SLIT1: variants seen among roughly 807,000 people sequenced by gnomAD.
SLIT1 encodes the protein slit guidance ligand 1, also known as slit homolog 1 protein.
A neutral mutation model predicts 186.1 loss-of-function variants in SLIT1; 66 were observed. The ratio of observed to expected loss-of-function variants is 0.35; its 90% CI spans 0.29 to 0.44. The LOEUF is 0.44. Among genes scored for constraint, SLIT1 ranks in the 20% least tolerant of loss-of-function variants. The probability of loss-of-function intolerance (pLI) is 1.00; values close to 1 mark genes in which losing one functional copy is unlikely to be tolerated. For synonymous variants in SLIT1, 761 were observed against 833.8 expected (o/e 0.91, Z 1.50); for missense variants, 1,638 against 2,037.4 (o/e 0.80, Z 3.77).
rs554811287 is a variant in SLIT1, at chr10:97,115,289, T to G, written c.413+42529A>C. ...TGAGGCTCAACATCCACTCCCAGCC[T>G]GCTATTCCTTGGAATTGCCCTGAGA... On this transcript the variant is annotated intron_variant, in intron 4 of 36. Coordinates refer to ENST00000266058, the MANE Select transcript of SLIT1 (RefSeq NM_003061.3). Among the ~76,000 whole-genome samples the G allele has an allele frequency of 2.0e-5, 3 of 152,298 alleles. No individual in the cohort carries two copies. The East Asian group carries it at 5.8e-4, about 29-fold the overall frequency.
At chr10:97,148,477 C>CAGGGTCTTG (rs59128793) in intron 4 of SLIT1, among the ~76,000 whole-genome samples, 3 of 151,406 alleles carry the variant, frequency 2.0e-5, no homozygotes, top group African/African-American at 4.9e-5. Context: ...TTTTGTAGAG[C>CAGGGTCTTG]CTATGCTGCC....
At chr10:97,102,716 T>G (rs1564676486) in intron 4 of SLIT1, 1 of 152,234 alleles carries the variant, frequency 6.6e-6, no homozygotes, top group Non-Finnish European at 1.5e-5. Flanking sequence ...TTGTGTGATG[T>G]CACAGTGCAG....
rs751115270 is a variant in SLIT1, at chr10:97,047,962, C to A, written c.1489+11G>T. 2 of 1,614,036 alleles carry A rather than the reference C, an allele frequency of 1.2e-6. No homozygotes were observed. Among genetic ancestry groups the A allele is most frequent in the East Asian group, 4.5e-5 (2 of 44,898 alleles). On this transcript the variant is annotated intron_variant, in intron 15 of 36. Coordinates refer to ENST00000266058, the MANE Select transcript of SLIT1 (RefSeq NM_003061.3). ...CCGCCAGGCTGGCCTTGGATCCCCC[C>A]ACTCTCCTACCTGGAATGAAGTACT...
intron 1 of SLIT1, among the ~76,000 whole-genome samples, chr10:97,179,865 G>A (rs1301503591): frequency 6.6e-6 from 1 of 150,688 alleles, no homozygotes; most frequent in Non-Finnish European, 1.5e-5. Flanking sequence ...ATCTGCTCTG[G>A]GTAATAAGTA....
chr10:97,163,434 T>A lies in SLIT1; in HGVS notation c.287A>T (p.Gln96Leu). The A allele has an allele frequency of 6.2e-7, 1 of 1,614,174 alleles. No individual in the cohort carries two copies. Among genetic ancestry groups the A allele is most frequent in the Middle Eastern group, 1.7e-4 (1 of 6,060 alleles). Residue 96 changes from glutamine to leucine, a missense_variant, in exon 3 of 37, where the codon CAG becomes CTG. This residue lies in a region of SLIT1 where 1,245 missense variants were observed against 1,535.3 expected (regional missense o/e 0.81). Coordinates refer to ENST00000266058, the MANE Select transcript of SLIT1 (RefSeq NM_003061.3). Reference protein sequence around the residue: ...QLRVLQLMENQIGAVERGAFD... With the variant: ...QLRVLQLMENLIGAVERGAFD... ...AGCACCACGTTCCACTGCTCCAATC[T>A]GGTTCTCCATCAGCTGCCTGGGGAA...
At chr10:97,134,249 G>A (rs927939941) in intron 4 of SLIT1, among the ~76,000 whole-genome samples, 3 of 152,152 alleles carry the variant, frequency 2.0e-5, no homozygotes, top group African/African-American at 7.2e-5. Context: ...TGTCCCCACA[G>A]TCACAGCCAC....
intron 26 of SLIT1, among the ~76,000 whole-genome samples, chr10:97,020,111 C>G (rs890448337): frequency 2.0e-5 from 3 of 151,964 alleles, no homozygotes; most frequent in African/African-American, 7.3e-5. Context: ...GCTGGGACTA[C>G]AGGCACACAC....
chr10:97,118,047 C>T (rs776808484), intron 4 of SLIT1, among the ~76,000 whole-genome samples: 4 of 152,044 alleles, frequency 2.6e-5, no homozygotes, highest in Non-Finnish European at 4.4e-5. Context: ...ATGGCTATTC[C>T]AAATCTTTGC....
intron 31 of SLIT1, among the ~76,000 whole-genome samples, chr10:97,008,848 C>A (rs933485066): frequency 6.6e-6 from 1 of 151,474 alleles, no homozygotes. Context: ...CCAAAACAAT[C>A]TTTTTTTATT....
Position 97,043,078 on chromosome 10 carries a change from C to A in SLIT1, c.1998-11G>T, listed in dbSNP as rs939818793. The A allele has an allele frequency of 1.9e-6, 3 of 1,612,200 alleles. No homozygotes were observed. Among genetic ancestry groups the A allele is most frequent in the Non-Finnish European group, 2.5e-6 (3 of 1,179,052 alleles). ...TTGGCCAGGAGATTCCTGGAAGAGG[C>A]AGGCCAGGCGGCCATGGAGACACTC... On this transcript the variant is annotated splice_polypyrimidine_tract_variant and intron_variant, in intron 19 of 36. Coordinates refer to ENST00000266058, the MANE Select transcript of SLIT1 (RefSeq NM_003061.3). This position sits in a 1 kb window ranked among gnomAD's most constrained non-coding sequence, Gnocchi z 7.0.
At chr10:97,140,008 C>T (rs1267551067) in intron 4 of SLIT1, among the ~76,000 whole-genome samples, 2 of 152,132 alleles carry the variant, frequency 1.3e-5, no homozygotes, top group Non-Finnish European at 2.9e-5. Flanking sequence ...CCTGAAGCTC[C>T]CCTCTTCCTC....
intron 4 of SLIT1, among the ~76,000 whole-genome samples, chr10:97,105,171 C>T (rs1297178229): frequency 6.6e-6 from 1 of 152,196 alleles, no homozygotes; most frequent in Non-Finnish European, 1.5e-5. Context: ...AGAAGGGGGG[C>T]ATGCTCCTTC....
intron 22 of SLIT1, among the ~76,000 whole-genome samples, chr10:97,036,067 G>A (rs1224035292): frequency 6.6e-6 from 1 of 152,090 alleles, no homozygotes; most frequent in Non-Finnish European, 1.5e-5. Flanking sequence ...TGGAGAGGGG[G>A]CCATGACTTC....
chr10:97,058,797 C>G (rs1848864678), intron 11 of SLIT1, among the ~76,000 whole-genome samples: 1 of 152,202 alleles, frequency 6.6e-6, no homozygotes. Context: ...GGAGCTCGCC[C>G]AACTCCAGGG....
At chr10:97,140,007 C>T (rs534942212) in intron 4 of SLIT1, among the ~76,000 whole-genome samples, 1 of 152,262 alleles carries the variant, frequency 6.6e-6, no homozygotes, top group South Asian at 2.1e-4. Flanking sequence ...GCCTGAAGCT[C>T]CCCTCTTCCT....
chr10:97,052,389 T>C (rs955522919), intron 13 of SLIT1, among the ~76,000 whole-genome samples: 145 of 152,318 alleles, frequency 9.5e-4, no homozygotes, highest in African/African-American at 3.5e-3. Context: ...TGTGAGCCAC[T>C]GCACCTGGCC....
At chr10:97,156,649 T>C (rs1849955939) in intron 4 of SLIT1, among the ~76,000 whole-genome samples, 1 of 151,858 alleles carries the variant, frequency 6.6e-6, no homozygotes, top group Non-Finnish European at 1.5e-5. Context: ...TACAGAGAGG[T>C]CTAGAAATCA....
intron 1 of SLIT1, among the ~76,000 whole-genome samples, chr10:97,180,754 A>G (rs1850325531): frequency 6.6e-6 from 1 of 152,216 alleles, no homozygotes; most frequent in African/African-American, 2.4e-5. Context: ...TGAGCGCTCT[A>G]AACAGACAGA....
At chr10:97,172,502 T>C (rs1380702860) in intron 1 of SLIT1, among the ~76,000 whole-genome samples, 1 of 152,230 alleles carries the variant, frequency 6.6e-6, no homozygotes, top group Non-Finnish European at 1.5e-5. Context: ...TCAGTAAGGA[T>C]TTCTTGAATG....
Sources: allele counts gnomAD v4.1 joint callset (sites outside exome capture counted in the v4.1 genomes callset), GRCh38; gene constraint gnomAD v4.1.1; regional missense constraint gnomAD v4.1.1; non-coding constraint Gnocchi (gnomAD v3.1); transcripts MANE v1.5; gene names NCBI Gene and HGNC (gene_info 2026-07-23, HGNC 2026-07-21).